The following EGFR variants were observed in gnomAD, a reference collection of about 807,000 sequenced individuals.
EGFR encodes epidermal growth factor receptor, also known as avian erythroblastic leukemia viral (v-erb-b) oncogene homolog.
In EGFR, 58 loss-of-function variants were observed where a neutral mutation model predicts 143.0. The observed-to-expected ratio is 0.41, with a 90% CI of 0.33 to 0.50. EGFR has a LOEUF of 0.50. Ranked by LOEUF, EGFR falls within the 20% of genes least tolerant of loss-of-function variation. The pLI is 0.39. For missense variants in EGFR, 1,307 were observed against 1,579.0 expected, an observed-to-expected ratio of 0.83 and a Z score of 2.92; for synonymous variants, 613 against 594.4, an observed-to-expected ratio of 1.03 and a Z score of -0.45.
intron 19 of EGFR, 107 bp downstream of exon 19, chr7:55,174,927 C>A (rs2128955104): frequency 1.2e-6 from 1 of 851,384 alleles, no homozygotes; most frequent in Non-Finnish European, 2.0e-6. Context: ...TCTCCACATC[C>A]TAAATGTTCA....
At chr7:55,082,044 G>T (rs1165489573) in intron 1 of EGFR, among the ~76,000 whole-genome samples, 1 of 152,168 alleles carries the variant, frequency 6.6e-6, no homozygotes, top group Non-Finnish European at 1.5e-5. Context: ...ACCCACTCCA[G>T]TGATTTCACA....
intron 27 of EGFR, among the ~76,000 whole-genome samples, chr7:55,204,989 A>G (rs1399647856): frequency 6.6e-6 from 1 of 151,936 alleles, no homozygotes; most frequent in African/African-American, 2.4e-5. Context: ...ATGCATACAC[A>G]TACACACACA....
chr7:55,194,737 G>A (rs1787547767), intron 22 of EGFR, among the ~76,000 whole-genome samples: 1 of 152,182 alleles, frequency 6.6e-6, no homozygotes, highest in African/African-American at 2.4e-5. Flanking sequence ...GTGGCTTAGT[G>A]CCTTGATGTG....
chr7:55,208,042 G>T lies in EGFR; in HGVS notation c.*2425G>T, dbSNP rs547377381. On this transcript the variant is annotated 3_prime_UTR_variant, in exon 28 of 28. Coordinates refer to ENST00000275493, the MANE Select transcript of EGFR (RefSeq NM_005228.5). ...TGTAGCATTAAATTCTAGTATTTTTGTAGTTTGAAACAGTAACTTAATAAA... is the reference window on the plus strand; with the variant it reads ...TGTAGCATTAAATTCTAGTATTTTTTTAGTTTGAAACAGTAACTTAATAAA... The T allele has an allele frequency of 6.6e-6, 1 of 152,264 alleles. No homozygotes were observed. The highest frequency in any genetic ancestry group is 2.4e-5 in the African/African-American group (1 of 41,554). 9.4% of individuals were successfully genotyped at this position (152,264 alleles called of 1,614,324 possible).
At chr7:55,185,119 A>G (rs1787073085) in intron 20 of EGFR, among the ~76,000 whole-genome samples, 1 of 152,158 alleles carries the variant, frequency 6.6e-6, no homozygotes, top group Non-Finnish European at 1.5e-5. Context: ...TGCCAAAGAG[A>G]TTACATAAAA....
chr7:55,205,692 T>C lies in EGFR; in HGVS notation c.*75T>C, dbSNP rs1583666052. The C allele has an allele frequency of 2.5e-6, 4 of 1,610,310 alleles. No individual in the cohort carries two copies. Among genetic ancestry groups the C allele is most frequent in the South Asian group, 2.2e-5 (2 of 90,734 alleles). Reference sequence around the variant, plus strand: ...GGACCAAGCCACAGCAGGTCCTCCATCCCAACAGCCATGCCCGCATTAGCT... The same window carrying C: ...GGACCAAGCCACAGCAGGTCCTCCACCCCAACAGCCATGCCCGCATTAGCT... On this transcript the variant is annotated 3_prime_UTR_variant, in exon 28 of 28. Transcript: ENST00000275493.
intron 1 of EGFR, among the ~76,000 whole-genome samples, chr7:55,025,883 T>G (rs1786855209): frequency 6.6e-6 from 1 of 152,242 alleles, no homozygotes; most frequent in Non-Finnish European, 1.5e-5. Flanking sequence ...GTTTATATAT[T>G]GCTGCAAATA....
chr7:55,057,911 G>A (rs975538688), intron 1 of EGFR, among the ~76,000 whole-genome samples: 2 of 152,314 alleles, frequency 1.3e-5, no homozygotes, highest in East Asian at 1.9e-4. Flanking sequence ...CAAAAGCAAC[G>A]TGCTCTTTTT....
rs559785283 is a variant in EGFR at position 55,162,117 on chromosome 7, G to A, written c.1631+486G>A. 7.2e-5 allele frequency among the ~76,000 whole-genome samples: 11 copies of A among 152,264 alleles called. No homozygotes were observed. In the East Asian group the frequency reaches 7.7e-4, roughly 11 times the overall value. On this transcript the variant is annotated intron_variant, in intron 13 of 27. Coordinates refer to ENST00000275493, the MANE Select transcript of EGFR (RefSeq NM_005228.5). ...TACCAGGGACTTTAAATATACCCAC[G>A]GACAAAGAAATAATTCATAATGATG...
At chr7:55,076,294 AG>A (rs771782257) in intron 1 of EGFR, among the ~76,000 whole-genome samples, 2 of 152,250 alleles carry the variant, frequency 1.3e-5, no homozygotes, top group Non-Finnish European at 2.9e-5. Flanking sequence ...TTAAAACCCA[AG>A]AAAGCCTTGT....
At chr7:55,192,929 G>A (rs1239082558) in intron 22 of EGFR, 88 bp downstream of exon 22, 9 of 1,152,766 alleles carry the variant, frequency 7.8e-6, no homozygotes, top group Non-Finnish European at 1.0e-5. Flanking sequence ...CCTCTGACAT[G>A]CAAGTATTTT....
intron 15 of EGFR, among the ~76,000 whole-genome samples, chr7:55,170,037 G>A (rs1159120659): frequency 2.6e-5 from 4 of 152,150 alleles, no homozygotes; most frequent in Admixed American, 6.5e-5. Context: ...GTAGTGGGGT[G>A]GGCAGTAACG....
intron 1 of EGFR, among the ~76,000 whole-genome samples, chr7:55,125,027 G>A (rs1793440171): frequency 6.6e-6 from 1 of 152,230 alleles, no homozygotes; most frequent in African/African-American, 2.4e-5. Flanking sequence ...TTAATAAAGT[G>A]CAGATGTTGA....
intron 1 of EGFR, among the ~76,000 whole-genome samples, chr7:55,051,758 C>G (rs1370044602): frequency 6.6e-6 from 1 of 152,176 alleles, no homozygotes; most frequent in African/African-American, 2.4e-5. Flanking sequence ...CCCTCAGCTA[C>G]TCTCCAGGGT....
At chr7:55,075,438 A>G (rs967500979) in intron 1 of EGFR, among the ~76,000 whole-genome samples, 5 of 152,204 alleles carry the variant, frequency 3.3e-5, no homozygotes, top group African/African-American at 1.2e-4. Flanking sequence ...GAATATATTC[A>G]CTGGGGAATG....
In EGFR at chr7:55,209,222, G is replaced by A. The variant is rs1788182524; in HGVS notation, c.*3605G>A. On this transcript the variant is annotated 3_prime_UTR_variant, in exon 28 of 28. Coordinates refer to ENST00000275493, the MANE Select transcript of EGFR (RefSeq NM_005228.5). ...CAGGGTTGAAACCCTTATTTCTAGG[G>A]TCTTCAGTTGTACAAGACTGTGGGT... 1.3e-5 allele frequency: 2 copies of A among 152,102 alleles called. No homozygotes were observed. Among genetic ancestry groups the A allele is most frequent in the South Asian group, 4.1e-4 (2 of 4,822 alleles). 9.4% of individuals were successfully genotyped at this position (152,102 alleles called of 1,614,324 possible). A position where few individuals can be genotyped will look rare whatever the true frequency, so the allele number is the denominator to read the frequency against.
intron 20 of EGFR, among the ~76,000 whole-genome samples, chr7:55,183,682 C>T (rs1786998477): frequency 6.6e-6 from 1 of 152,248 alleles, no homozygotes; most frequent in Non-Finnish European, 1.5e-5. Context: ...CCTCCTTGCC[C>T]AGGCAGTCTC....
At chr7:55,051,117 T>C (rs1788464986) in intron 1 of EGFR, among the ~76,000 whole-genome samples, 3 of 152,192 alleles carry the variant, frequency 2.0e-5, no homozygotes. Context: ...GGAGAGCTGT[T>C]GGTAAGGCAT....
At chr7:55,053,746 G>T (rs920716719) in intron 1 of EGFR, among the ~76,000 whole-genome samples, 1 of 152,256 alleles carries the variant, frequency 6.6e-6, no homozygotes, top group African/African-American at 2.4e-5. Flanking sequence ...CAACCCAGCC[G>T]CTGCTTTGTC....
Sources: allele counts gnomAD v4.1 joint callset (sites outside exome capture counted in the v4.1 genomes callset), GRCh38; gene constraint gnomAD v4.1.1; transcripts MANE v1.5; gene names NCBI Gene and HGNC (gene_info 2026-07-23, HGNC 2026-07-21).